Variants in PCDHGA4 observed in about 807,000 individuals in gnomAD.
PCDHGA4 encodes protocadherin gamma subfamily A, 4, also known as protocadherin gamma-A4.
A neutral mutation model predicts 54.6 loss-of-function variants in PCDHGA4; 38 were observed. The ratio of observed to expected loss-of-function variants is 0.70; its 90% CI spans 0.54 to 0.91. The LOEUF (loss-of-function observed/expected upper bound fraction) is 0.91. Ranked by LOEUF, PCDHGA4 falls within the 40% of genes least tolerant of loss-of-function variation. The probability of loss-of-function intolerance (pLI) is 0.00; values close to 1 mark genes in which losing one functional copy is unlikely to be tolerated. For missense variants in PCDHGA4, 1,298 were observed against 1,220.9 expected, an observed-to-expected ratio of 1.06 and a Z score of -0.94; for synonymous variants, 511 against 512.9, an observed-to-expected ratio of 1.00 and a Z score of 0.05.
chr5:141,394,001 G>A (rs766773377), intron 1 of PCDHGA4: 4 of 1,613,340 alleles, frequency 2.5e-6, no homozygotes, highest in Admixed American at 1.7e-5. Context: ...AATTAGAAAA[G>A]TCAATAGGTA....
At chr5:141,382,942 C>A (rs763091165) in intron 1 of PCDHGA4, 5 of 1,595,522 alleles carry the variant, frequency 3.1e-6, no homozygotes, top group Non-Finnish European at 4.3e-6. Flanking sequence ...AGGATTCTTC[C>A]TGCTCTCCAT....
intron 1 of PCDHGA4, chr5:141,362,273 T>G (rs1762411224): frequency 1.2e-6 from 2 of 1,613,954 alleles, no homozygotes; most frequent in Non-Finnish European, 8.5e-7. Context: ...GCAATCTCCC[T>G]GCGCCTGCGA....
intron 1 of PCDHGA4, among the ~76,000 whole-genome samples, chr5:141,434,824 A>ACTTG (rs1561875192): frequency 1.3e-5 from 2 of 151,888 alleles, no homozygotes; most frequent in African/African-American, 4.8e-5. Flanking sequence ...CCCTTAGTAC[A>ACTTG]CTTGGCATTT....
intron 1 of PCDHGA4, among the ~76,000 whole-genome samples, chr5:141,470,845 G>T (rs1381257094): frequency 1.3e-5 from 2 of 151,972 alleles, no homozygotes; most frequent in African/African-American, 4.8e-5. Flanking sequence ...ACGCCACCAT[G>T]CTCAGATAAG....
rs749995138 is a variant in PCDHGA4 at position 141,408,745 on chromosome 5, G to A, written c.2514+51124G>A. The A allele has an allele frequency of 3.7e-6, 6 of 1,609,862 alleles. No homozygotes were observed. In the African/African-American group the frequency reaches 4.0e-5, roughly 11 times the overall value. ...ACTCTAATCCTTATTTTTCATTAAT[G>A]GTTAGAGTTAATTCCGATGGTGGCA... On this transcript the variant is annotated intron_variant, in intron 1 of 3. Transcript: ENST00000571252.
rs1334123861 is a variant in PCDHGA4, at chr5:141,414,743, C to G, written c.2514+57122C>G. On this transcript the variant is annotated intron_variant, in intron 1 of 3. Coordinates refer to ENST00000571252, the MANE Select transcript of PCDHGA4 (RefSeq NM_018917.4). ...ACTGGCGTCCTGTATGCACTCAGAT[C>G]CTTCGACTATGAGCAGTTTCATGAG... 1.9e-6 allele frequency: 3 copies of G among 1,614,216 alleles called. No homozygotes were observed. In the East Asian group the frequency reaches 6.7e-5, roughly 36 times the overall value.
intron 1 of PCDHGA4, chr5:141,372,294 G>C (rs536487253): frequency 6.2e-7 from 1 of 1,613,280 alleles, no homozygotes; most frequent in Non-Finnish European, 8.5e-7. Flanking sequence ...TACCTTGGGC[G>C]ACAGGGAGGC....
chr5:141,382,126 C>G (rs1360934225), intron 1 of PCDHGA4, among the ~76,000 whole-genome samples: 1 of 151,958 alleles, frequency 6.6e-6, no homozygotes, highest in African/African-American at 2.4e-5. Context: ...CAGCACCTGG[C>G]CCCCCCTCTC....
chr5:141,412,976 A>C (rs2095594590), intron 1 of PCDHGA4: 1 of 535,900 alleles, frequency 1.9e-6, no homozygotes. Context: ...GAGAAAACGC[A>C]GCCAGAGCTC....
chr5:141,383,931 T>C lies in PCDHGA4; in HGVS notation c.2514+26310T>C, dbSNP rs1017184990. ...CAGTTTTAGATGTAAATGATAATGC[T>C]CCAGAAGTGACTATGACGTCTTTAA... On this transcript the variant is annotated intron_variant, in intron 1 of 3. Transcript: ENST00000571252. 2.5e-6 allele frequency: 4 copies of C among 1,613,818 alleles called. No homozygotes were observed. In the South Asian group the frequency reaches 4.4e-5, roughly 18 times the overall value.
At chr5:141,365,947 C>A (rs752957428) in intron 1 of PCDHGA4, 1 of 1,613,770 alleles carries the variant, frequency 6.2e-7, no homozygotes, top group East Asian at 2.2e-5. Flanking sequence ...ACAGTGGGAA[C>A]CCTCCACTTA....
At chr5:141,460,926 G>A (rs1180507724) in intron 1 of PCDHGA4, among the ~76,000 whole-genome samples, 4 of 145,540 alleles carry the variant, frequency 2.7e-5, no homozygotes, top group African/African-American at 2.6e-5. Flanking sequence ...ATATATATAT[G>A]TGTGTGTGTA....
chr5:141,374,122 G>C, intron 1 of PCDHGA4: 5 of 1,597,596 alleles, frequency 3.1e-6, no homozygotes, highest in Non-Finnish European at 4.3e-6. Context: ...GCAGCGAGCA[G>C]GTCCTGCTCC....
intron 2 of PCDHGA4, among the ~76,000 whole-genome samples, chr5:141,496,104 G>A (rs950960102): frequency 6.8e-6 from 1 of 146,980 alleles, no homozygotes; most frequent in African/African-American, 2.5e-5. Context: ...CCAACACCCC[G>A]CTCTCTTCCT....
Position 141,489,653 on chromosome 5 carries a change from G to A in PCDHGA4, c.2515-5154G>A, listed in dbSNP as rs752269910. 2.0e-5 allele frequency: 33 copies of A among 1,614,164 alleles called. No individual in the cohort carries two copies. In the East Asian group the frequency reaches 4.9e-4, roughly 24 times the overall value. ...TCTCCTAGCTTTGCCACCCCTGAGC[G>A]AGAGATGCGCATCTCAGAATCAGCA... On this transcript the variant is annotated intron_variant, in intron 1 of 3. Transcript: ENST00000571252. This position sits in a 1 kb window ranked among gnomAD's most constrained non-coding sequence, Gnocchi z 4.5.
At chr5:141,398,392 A>T in intron 1 of PCDHGA4, 1 of 1,456,390 alleles carries the variant, frequency 6.9e-7, no homozygotes, top group Non-Finnish European at 9.5e-7. Context: ...TGTGAGCAGC[A>T]GGCTAGACAG....
intron 3 of PCDHGA4, among the ~76,000 whole-genome samples, chr5:141,508,506 C>G (rs2099869342): frequency 6.6e-6 from 1 of 152,180 alleles, no homozygotes; most frequent in Admixed American, 6.5e-5. Context: ...TCTCTCCCTC[C>G]TGGTCCAGCC....
intron 1 of PCDHGA4, chr5:141,365,318 A>G (rs1588611764): frequency 1.2e-6 from 2 of 1,613,922 alleles, no homozygotes; most frequent in East Asian, 2.2e-5. Flanking sequence ...TCTTGTTGCC[A>G]GCGCTAAGGT....
rs191909737 is a variant in PCDHGA4 at position 141,405,622 on chromosome 5, G to A, written c.2514+48001G>A. 9.3e-3 allele frequency: 5,090 copies of A among 544,656 alleles called. 46 individuals are homozygous for A. The highest frequency in any genetic ancestry group is 0.017 in the Admixed American group (494 of 29,130). The allele number at this position is 544,656 out of a possible 1,614,324, so 33.7% of individuals were successfully genotyped here. On this transcript the variant is annotated intron_variant, in intron 1 of 3. Transcript: ENST00000571252. ...GTAGAATAACTGGGACTACAGGCAC[G>A]TGCCACCACGCCCGGCTAATTTTTT...
Sources: allele counts gnomAD v4.1 joint callset (sites outside exome capture counted in the v4.1 genomes callset), GRCh38; gene constraint gnomAD v4.1.1; non-coding constraint Gnocchi (gnomAD v3.1); transcripts MANE v1.5; gene names NCBI Gene and HGNC (gene_info 2026-07-23, HGNC 2026-07-21).